Variants in ATP8B4 observed in about 807,000 individuals in gnomAD.
The protein encoded by ATP8B4 is ATPase phospholipid transporting 8B4 (putative).
In ATP8B4, 133 loss-of-function variants were observed where a neutral mutation model predicts 145.6. The observed-to-expected ratio is 0.91, with a 90% CI of 0.79 to 1.05. ATP8B4 has a LOEUF of 1.05. Among genes scored for constraint, ATP8B4 ranks in the 50% least tolerant of loss-of-function variants. The pLI, the probability that ATP8B4 is intolerant of heterozygous loss-of-function variation, is 0.00. For synonymous variants in ATP8B4, 507 were observed against 492.9 expected (o/e 1.03, Z -0.38); for missense variants, 1,458 against 1,425.2 (o/e 1.02, Z -0.37).
intron 14 of ATP8B4, among the ~76,000 whole-genome samples, chr15:49,961,358 A>C (rs1372084035): frequency 3.3e-5 from 5 of 152,186 alleles, no homozygotes; most frequent in Non-Finnish European, 1.5e-5. Context: ...GTCAGGGTAA[A>C]TTGTTATAAA....
At chr15:50,124,354 C>T (rs8038609) in intron 1 of ATP8B4, among the ~76,000 whole-genome samples, 66,159 of 151,818 alleles carry the variant, frequency 0.44, 14,569 homozygotes, top group East Asian at 0.53. Flanking sequence ...GTTGGTAGTG[C>T]CCTTTCCTGT....
rs555688928 is a variant in ATP8B4, at chr15:49,908,868, G to A, written c.2142-7629C>T. Among the ~76,000 whole-genome samples the A allele has an allele frequency of 2.6e-5, 4 of 152,156 alleles. No homozygotes were observed. In the South Asian group the frequency reaches 6.2e-4, roughly 24 times the overall value. ...TCCTCACATTTCCACATGCCCTAAGGATAGGCTACCTTACATATAGCTGCC... is the reference window on the plus strand; with the variant it reads ...TCCTCACATTTCCACATGCCCTAAGAATAGGCTACCTTACATATAGCTGCC... On this transcript the variant is annotated intron_variant, in intron 20 of 27. Coordinates refer to ENST00000284509, the MANE Select transcript of ATP8B4 (RefSeq NM_024837.4).
At chr15:49,879,559 T>C in intron 23 of ATP8B4, 100 bp from the exon 24 acceptor site, 1 of 1,024,664 alleles carries the variant, frequency 9.8e-7, no homozygotes, top group Non-Finnish European at 1.4e-6. Flanking sequence ...TGGGTGGGAG[T>C]TGACTTTTGG....
chr15:50,176,063 G>GTATATATATATATATATACCACAGAGTA (rs141894277), intron 1 of ATP8B4, among the ~76,000 whole-genome samples: 2 of 147,196 alleles, frequency 1.4e-5, no homozygotes, highest in African/African-American at 5.0e-5. Context: ...ATACCGCAGA[G>GTATATATATATATATATACCACAGAGTA]TATATATATA....
At chr15:49,862,613 C>T (rs377738305) in intron 26 of ATP8B4, among the ~76,000 whole-genome samples, 59 of 152,200 alleles carry the variant, frequency 3.9e-4, no homozygotes, top group African/African-American at 1.2e-3. Flanking sequence ...CCCGCCACCA[C>T]GCCCGGCTAA....
At chr15:49,889,822 T>C (rs911244255) in intron 23 of ATP8B4, among the ~76,000 whole-genome samples, 2 of 152,242 alleles carry the variant, frequency 1.3e-5, no homozygotes, top group African/African-American at 4.8e-5. Context: ...AAGTCAACAT[T>C]GTGTCTTAAA....
intron 4 of ATP8B4, among the ~76,000 whole-genome samples, chr15:50,045,256 A>G (rs138651897): frequency 8.4e-4 from 128 of 152,334 alleles, no homozygotes; most frequent in African/African-American, 3.0e-3. Context: ...ACCAGGAGTC[A>G]GGAAATGTTG....
chr15:50,132,611 T>C (rs980971740), intron 1 of ATP8B4, among the ~76,000 whole-genome samples: 7 of 152,208 alleles, frequency 4.6e-5, no homozygotes, highest in African/African-American at 1.7e-4. Flanking sequence ...CATTACTGGG[T>C]ATATACTCAA....
rs117066774 is a variant in ATP8B4, at chr15:50,089,390, T to A, written c.29-15205A>T. On this transcript the variant is annotated intron_variant, in intron 2 of 27. Transcript: ENST00000284509. ...TTGCAATCTATCCACCTGACAAAGA[T>A]CTAACACCCAGAATCTATAAGGAAC... is the stretch of plus-strand genomic sequence containing the variant. Among the ~76,000 whole-genome samples the A allele has an allele frequency of 2.2e-3, 340 of 152,086 alleles. 7 individuals carry two copies. In the East Asian group the frequency reaches 0.048, roughly 21 times the overall value.
At chr15:49,973,940 T>C (rs1376947067) in intron 12 of ATP8B4, among the ~76,000 whole-genome samples, 4 of 152,188 alleles carry the variant, frequency 2.6e-5, no homozygotes, top group Admixed American at 6.5e-5. Context: ...TTCTTGGAAC[T>C]ATCTAATTGT....
Position 49,930,858 on chromosome 15 carries a change from AT to A in ATP8B4, c.1642+260del, listed in dbSNP as rs1399928868. On this transcript the variant is annotated intron_variant, in intron 16 of 27. Coordinates refer to ENST00000284509, the MANE Select transcript of ATP8B4 (RefSeq NM_024837.4). ...AGCATTTTTGTGGTTTATTTTTAAA[AT>A]TTTTTTATATTTTTATTGATACATT... is the stretch of plus-strand genomic sequence containing the variant. Among the ~76,000 whole-genome samples, 4 of 152,126 alleles carry A rather than the reference AT, an allele frequency of 2.6e-5. No homozygotes were observed. The East Asian group carries it at 7.7e-4, about 29-fold the overall frequency.
chr15:50,152,572 G>A (rs2044361556), intron 1 of ATP8B4, among the ~76,000 whole-genome samples: 1 of 152,054 alleles, frequency 6.6e-6, no homozygotes. Flanking sequence ...GGCCTATCTA[G>A]AAAATCTCAA....
chr15:49,918,752 T>C, intron 19 of ATP8B4, 87 bp downstream of exon 19: 2 of 929,034 alleles, frequency 2.2e-6, no homozygotes, highest in Non-Finnish European at 3.4e-6. Context: ...AATATTTAAT[T>C]AATTAACCTT....
rs1410642863 is a variant in ATP8B4, at chr15:49,987,537, C to A, written c.602G>T (p.Cys201Phe). ...RLAGFDGIVV[C>F]EVPNNKLDKF... Reference sequence around the variant, plus strand: ...ATCTAACTTGTTGTTAGGCACCTCACAGACAACAATCCCTGGAAAATAAAA... The same window carrying A: ...ATCTAACTTGTTGTTAGGCACCTCAAAGACAACAATCCCTGGAAAATAAAA... Residue 201 changes from cysteine (C) to phenylalanine (F), a missense_variant, in exon 10 of 28, where the codon TGT becomes TTT. Cys to Phe is a radical substitution (Grantham distance 205). Coordinates refer to ENST00000284509, the MANE Select transcript of ATP8B4 (RefSeq NM_024837.4). 1.2e-6 allele frequency: 2 copies of A among 1,612,972 alleles called. No homozygotes were observed. The highest frequency in any genetic ancestry group is 1.7e-6 in the Non-Finnish European group (2 of 1,179,564).
chr15:50,058,443 G>A (rs1343737296), intron 3 of ATP8B4, among the ~76,000 whole-genome samples: 1 of 152,202 alleles, frequency 6.6e-6, no homozygotes, highest in South Asian at 2.1e-4. Context: ...CAAGACCTCA[G>A]TGTTTACAAC....
At chr15:50,008,252 C>A (rs1223972208) in intron 7 of ATP8B4, among the ~76,000 whole-genome samples, 1 of 152,142 alleles carries the variant, frequency 6.6e-6, no homozygotes, top group Non-Finnish European at 1.5e-5. Flanking sequence ...GGAAGCATCA[C>A]CTAGGTCATG....
chr15:49,925,188 AATT>A (rs1371686958), intron 16 of ATP8B4, among the ~76,000 whole-genome samples: 9 of 152,232 alleles, frequency 5.9e-5, no homozygotes, highest in East Asian at 1.9e-4. Flanking sequence ...TAGTTACTAT[AATT>A]ATTATTATTG....
chr15:50,075,201 AT>A (rs2054099569), intron 2 of ATP8B4, among the ~76,000 whole-genome samples: 1 of 152,074 alleles, frequency 6.6e-6, no homozygotes, highest in African/African-American at 2.4e-5. Context: ...CGTGTTGGGG[AT>A]GGAGGAGGGA....
At chr15:49,987,612 C>A in intron 9 of ATP8B4, 63 bp from the exon 10 acceptor site, 2 of 1,517,258 alleles carry the variant, frequency 1.3e-6, no homozygotes, top group East Asian at 2.3e-5. Flanking sequence ...TTCAGAAGCC[C>A]ACAGCACTGT....
Sources: gnomAD v4.1 joint callset for allele counts (sites outside exome capture counted in the v4.1 genomes callset) on GRCh38, gnomAD v4.1.1 for gene constraint, MANE v1.5 for transcripts, NCBI Gene and HGNC (gene_info 2026-07-23, HGNC 2026-07-21) for gene names.